DENND2C: variants seen among roughly 807,000 people sequenced by gnomAD.
The protein encoded by DENND2C is DENN domain containing 2C.
A neutral mutation model predicts 112.4 loss-of-function variants in DENND2C; 72 were observed. The ratio of observed to expected loss-of-function variants is 0.64; its 90% confidence interval spans 0.53 to 0.78. The LOEUF is 0.78. Among genes scored for constraint, DENND2C ranks in the 30% least tolerant of loss-of-function variants. The pLI, the probability that DENND2C is intolerant of heterozygous loss-of-function variation, is 0.00. For synonymous variants in DENND2C, 329 were observed against 381.6 expected (o/e 0.86, Z 1.61); for missense variants, 992 against 1,113.8 (o/e 0.89, Z 1.56).
chr1:114,594,960 G>A (rs1333660262), intron 17 of DENND2C, among the ~76,000 whole-genome samples: 2 of 152,114 alleles, frequency 1.3e-5, no homozygotes, highest in African/African-American at 4.8e-5. Context: ...CTACATACAG[G>A]TTATATGCGG....
chr1:114,611,140 C>T (rs1655805283), intron 8 of DENND2C, 23 bp from the exon 9 acceptor site: 1 of 1,613,850 alleles, frequency 6.2e-7, no homozygotes, highest in African/African-American at 1.3e-5. Context: ...AAGGAGTTTC[C>T]ATTTGTATTG....
intron 1 of DENND2C, among the ~76,000 whole-genome samples, chr1:114,666,461 A>G (rs1308965496): frequency 6.6e-6 from 1 of 152,048 alleles, no homozygotes; most frequent in East Asian, 1.9e-4. Context: ...TTTCTGAATC[A>G]TAACTTTTTT....
Position 114,600,930 on chromosome 1 carries a change from T to A in DENND2C, c.1846A>T (p.Met616Leu), listed in dbSNP as rs1248759231. 8.1e-6 allele frequency: 13 copies of A among 1,613,702 alleles called. No individual in the cohort carries two copies. The Admixed American group carries it at 2.2e-4, about 27-fold the overall frequency. ...ILDEVEKRRE[M>L]SPALVYPFMR... ...AATGGGTAAACAAGGGCTGGAGACA[T>A]TTCTCTTCTCTTCTCTACTTCATCC... The change falls in exon 14 of 21, where the codon ATG (methionine) becomes TTG (leucine). Residue 616 changes from methionine (M) to leucine (L), a missense_variant. Transcript: ENST00000393274.
intron 11 of DENND2C, among the ~76,000 whole-genome samples, chr1:114,604,233 A>G (rs1655599332): frequency 1.3e-5 from 2 of 152,356 alleles, no homozygotes; most frequent in East Asian, 1.9e-4. Context: ...AGCTGAGGCT[A>G]TTATCCAGAA....
At chr1:114,587,181 C>T in intron 20 of DENND2C, 2 of 578,678 alleles carry the variant, frequency 3.5e-6, no homozygotes, top group Non-Finnish European at 6.2e-6. Context: ...GGATTACAGG[C>T]ATAAGCCACC....
chr1:114,630,150 T>TA (rs1656449940), intron 3 of DENND2C, among the ~76,000 whole-genome samples: 1 of 151,470 alleles, frequency 6.6e-6, no homozygotes, highest in South Asian at 2.1e-4. Context: ...CCATCTCTAC[T>TA]AAAAATTAGC....
At chr1:114,591,881 T>TTA (rs1557937879) in intron 18 of DENND2C, among the ~76,000 whole-genome samples, 14 of 145,598 alleles carry the variant, frequency 9.6e-5, no homozygotes, top group African/African-American at 2.7e-4. Context: ...TATTATTATT[T>TTA]TTATTATTAT....
chr1:114,654,967 T>G lies in DENND2C; in HGVS notation c.-573-206A>C, dbSNP rs145252140. On this transcript the variant is annotated intron_variant, in intron 1 of 20. Coordinates refer to ENST00000393274, the MANE Select transcript of DENND2C (RefSeq NM_001256404.2). ...TCTATTTAAGCAGCCTTCCTGGAAG[T>G]CCCATATAACACTTTTGCTATGGCT... 5.7e-3 allele frequency among the ~76,000 whole-genome samples: 872 copies of G among 152,256 alleles called. 10 individuals carry two copies. Among genetic ancestry groups the G allele is most frequent in the Non-Finnish European group, 6.6e-3 (451 of 68,016 alleles).
chr1:114,633,232 G>A (rs968770135), intron 3 of DENND2C, among the ~76,000 whole-genome samples: 1 of 151,962 alleles, frequency 6.6e-6, no homozygotes, highest in Non-Finnish European at 1.5e-5. Context: ...GGATCTTGAG[G>A]TCAGGAGTTC....
intron 16 of DENND2C, 95 bp from the exon 17 acceptor site, chr1:114,595,968 T>G: frequency 8.5e-7 from 1 of 1,172,780 alleles, no homozygotes; most frequent in Admixed American, 2.0e-5. Flanking sequence ...ACTCAAAGTT[T>G]CAGCCCATTT....
At chr1:114,668,133 CA>C (rs1420020014) in intron 1 of DENND2C, among the ~76,000 whole-genome samples, 1 of 151,986 alleles carries the variant, frequency 6.6e-6, no homozygotes, top group Admixed American at 6.5e-5. Context: ...AGTAGGCCCT[CA>C]AAAAACAATG....
Position 114,618,396 on chromosome 1 carries a change from AGGTAATTCCTTTCCAGT to A in DENND2C, c.1297_1313del (p.Thr433SerfsTer5). ...AAAAACAATTCTTACCTTTTGTCGG[AGGTAATTCCTTTCCAGT>A]GTAAGAATGTAACTTTACCTTCTTC... On this transcript the variant is annotated frameshift_variant, in exon 8 of 21. Transcript: ENST00000393274. LOFTEE classifies it high-confidence loss of function. The A allele has an allele frequency of 1.3e-6, 2 of 1,579,402 alleles. No homozygotes were observed. Among genetic ancestry groups the A allele is most frequent in the Non-Finnish European group, 1.7e-6 (2 of 1,165,646 alleles).
At chr1:114,613,955 AG>A (rs1307759840) in intron 8 of DENND2C, among the ~76,000 whole-genome samples, 1 of 152,194 alleles carries the variant, frequency 6.6e-6, no homozygotes, top group Non-Finnish European at 1.5e-5. Context: ...ATTTAGGGCC[AG>A]GTATGGTGGC....
chr1:114,623,184 A>G, intron 5 of DENND2C, 85 bp from the exon 6 acceptor site: 1 of 1,288,592 alleles, frequency 7.8e-7, no homozygotes, highest in Non-Finnish European at 1.1e-6. Context: ...GAAAAAGCTA[A>G]CTATGTTCAG....
intron 3 of DENND2C, among the ~76,000 whole-genome samples, chr1:114,629,220 C>G (rs1272835099): frequency 6.6e-6 from 1 of 152,180 alleles, no homozygotes; most frequent in African/African-American, 2.4e-5. Flanking sequence ...AAAGAAACAA[C>G]AGCGGTCATT....
intron 3 of DENND2C, among the ~76,000 whole-genome samples, chr1:114,638,506 C>A (rs1006318050): frequency 2.0e-5 from 3 of 151,996 alleles, no homozygotes; most frequent in African/African-American, 7.2e-5. Context: ...CACCTGTAAT[C>A]CCAGCACTTT....
intron 1 of DENND2C, among the ~76,000 whole-genome samples, chr1:114,660,397 T>G (rs1657460614): frequency 6.6e-6 from 1 of 152,180 alleles, no homozygotes; most frequent in Non-Finnish European, 1.5e-5. Flanking sequence ...GACAGTATGT[T>G]CACCCACACC....
In DENND2C at chr1:114,625,904, T is replaced by C. The variant is rs112461596; in HGVS notation, c.81A>G (p.Gln27=). ...HCKNIKQKIS[Q]WEGRANGISN... is the part of the protein sequence containing the mutation. ...ATATACCATTAGCCCTTCCTTCCCA[T>C]TGAGAAATTTTTTGTTTGATGTTTT... The change falls in exon 4 of 21, where the codon CAA becomes CAG. Residue 27 remains glutamine (Q), a synonymous_variant. Transcript: ENST00000393274. The C allele has an allele frequency of 1.3e-5, 21 of 1,614,116 alleles. No homozygotes were observed. The highest frequency in any genetic ancestry group is 2.7e-5 in the African/African-American group (2 of 75,048).
intron 4 of DENND2C, 74 bp downstream of exon 4, chr1:114,625,105 G>A (rs1415077591): frequency 1.4e-6 from 2 of 1,430,800 alleles, no homozygotes; most frequent in South Asian, 1.5e-5. Flanking sequence ...AAACTGGTTT[G>A]AAAAGGAAAA....
Sources: allele counts gnomAD v4.1 joint callset (sites outside exome capture counted in the v4.1 genomes callset), GRCh38; gene constraint gnomAD v4.1.1; transcripts MANE v1.5; gene names NCBI Gene and HGNC (gene_info 2026-07-23, HGNC 2026-07-21).